STARD9: variants seen among roughly 807,000 people sequenced by gnomAD.
STARD9 encodes the protein StAR related lipid transfer domain containing 9, also known as stAR-related lipid transfer protein 9.
In STARD9, 346 loss-of-function variants were observed where a neutral mutation model predicts 399.8. The ratio of observed to expected loss-of-function variants is 0.87; its 90% CI spans 0.79 to 0.95. The LOEUF (loss-of-function observed/expected upper bound fraction) is 0.95, where lower values mean the gene tolerates loss of function less well. Among genes scored for constraint, STARD9 ranks in the 40% least tolerant of loss-of-function variants. STARD9 has a pLI of 0.00. For missense variants in STARD9, 5,832 were observed against 5,667.5 expected (o/e 1.03, Z -0.93); for synonymous variants, 2,203 against 2,143.5 (o/e 1.03, Z -0.77).
intron 9 of STARD9, among the ~76,000 whole-genome samples, chr15:42,660,177 A>G (rs2059966264): frequency 6.6e-6 from 1 of 152,210 alleles, no homozygotes; most frequent in Non-Finnish European, 1.5e-5. Context: ...GATTGCTTCA[A>G]GCTGGGGATG....
At chr15:42,581,986 A>G (rs1449547132) in intron 1 of STARD9, among the ~76,000 whole-genome samples, 2 of 152,178 alleles carry the variant, frequency 1.3e-5, no homozygotes, top group Non-Finnish European at 2.9e-5. Flanking sequence ...CAACAACAAA[A>G]AAATTAGCTG....
intron 26 of STARD9, among the ~76,000 whole-genome samples, chr15:42,713,709 A>C (rs906125519): frequency 1.2e-4 from 19 of 152,220 alleles, no homozygotes; most frequent in African/African-American, 4.3e-4. Flanking sequence ...TTGTATGTCG[A>C]GCCAGCCCTG....
intron 3 of STARD9, among the ~76,000 whole-genome samples, chr15:42,607,449 C>T (rs1273306561): frequency 2.0e-5 from 3 of 151,694 alleles, no homozygotes; most frequent in Non-Finnish European, 4.4e-5. Flanking sequence ...GTGATCTGCC[C>T]ACCTCACCCT....
chr15:42,691,609 C>T lies in STARD9; in HGVS notation c.10031C>T (p.Pro3344Leu). Reference sequence around the variant, plus strand: ...CAGGAGCTGAACTTGAGTGTGGAGCCTCCTTCCCCTACAGACGAAGATACA... The same window carrying T: ...CAGGAGCTGAACTTGAGTGTGGAGCTTCCTTCCCCTACAGACGAAGATACA... ...SLQELNLSVE[P>L]PSPTDEDTQG... The change falls in exon 23 of 33, where the codon CCT (proline) becomes CTT (leucine). Residue 3344 changes from proline to leucine, a missense_variant. This residue lies in a region of STARD9 where 5,828 missense variants were observed against 5,651.1 expected (regional missense o/e 1.03). Coordinates refer to ENST00000290607, the MANE Select transcript of STARD9 (RefSeq NM_020759.3). 6.5e-7 allele frequency: 1 copy of T among 1,537,268 alleles called. No individual in the cohort carries two copies. The highest frequency in any genetic ancestry group is 8.7e-7 in the Non-Finnish European group (1 of 1,146,912).
At chr15:42,634,008 CT>C (rs2059377979) in intron 3 of STARD9, among the ~76,000 whole-genome samples, 1 of 152,046 alleles carries the variant, frequency 6.6e-6, no homozygotes, top group Non-Finnish European at 1.5e-5. Flanking sequence ...GCCTGTTTGG[CT>C]TCTATAGTAG....
intron 26 of STARD9, among the ~76,000 whole-genome samples, chr15:42,710,981 T>A (rs1218921963): frequency 2.0e-5 from 3 of 151,684 alleles, no homozygotes; most frequent in Non-Finnish European, 4.4e-5. Context: ...TTTTTTTTTT[T>A]AATTTAACTT....
chr15:42,634,202 T>C (rs2059380434), intron 3 of STARD9, among the ~76,000 whole-genome samples: 1 of 152,194 alleles, frequency 6.6e-6, no homozygotes, highest in South Asian at 2.1e-4. Context: ...CCCATAAAGC[T>C]GGCTATTTTT....
chr15:42,626,641 C>T (rs917402036), intron 3 of STARD9, among the ~76,000 whole-genome samples: 1 of 151,728 alleles, frequency 6.6e-6, no homozygotes, highest in Non-Finnish European at 1.5e-5. Context: ...GCTGGGATTA[C>T]AGGCATGCGC....
In STARD9 at chr15:42,684,416, C is replaced by G; in HGVS notation, c.2838C>G (p.Ser946Arg). The change falls in exon 23 of 33, where the codon AGC becomes AGG. Residue 946 changes from serine to arginine, a missense_variant. By Grantham distance (110) the Ser-to-Arg change is moderately radical. Coordinates refer to ENST00000290607, the MANE Select transcript of STARD9 (RefSeq NM_020759.3). The part of the protein sequence containing the change: ...MGVKQPHQMV[S>R]QGLASLRKSA... ...TTAAGCAGCCCCATCAGATGGTGAG[C>G]CAGGGCTTAGCATCTCTGAGGAAAT... The G allele has an allele frequency of 6.5e-7, 1 of 1,537,144 alleles. No individual in the cohort carries two copies. The highest frequency in any genetic ancestry group is 1.2e-5 in the South Asian group (1 of 84,060).
At chr15:42,598,267 G>A (rs908842120) in intron 3 of STARD9, among the ~76,000 whole-genome samples, 3 of 145,580 alleles carry the variant, frequency 2.1e-5, no homozygotes, top group African/African-American at 7.6e-5. Context: ...TCCTGACCTC[G>A]TGATCTGCCT....
chr15:42,687,011 A>G lies in STARD9; in HGVS notation c.5433A>G (p.Ser1811=). 1 of 1,537,118 alleles carries G rather than the reference A, an allele frequency of 6.5e-7. No homozygotes were observed. Among genetic ancestry groups the G allele is most frequent in the Non-Finnish European group, 8.7e-7 (1 of 1,146,928 alleles). The change falls in exon 23 of 33, where the codon TCA becomes TCG. Residue 1811 remains serine, a synonymous_variant. Coordinates refer to ENST00000290607, the MANE Select transcript of STARD9 (RefSeq NM_020759.3). ...LLQNQNSKIA[S]SQQVTAEIPV... ...AAAACCAGAATTCTAAGATTGCCTCATCTCAGCAGGTCACAGCTGAGATAC... is the reference window on the plus strand; with the variant it reads ...AAAACCAGAATTCTAAGATTGCCTCGTCTCAGCAGGTCACAGCTGAGATAC...
chr15:42,618,862 G>A (rs556377829), intron 3 of STARD9, among the ~76,000 whole-genome samples: 1 of 152,020 alleles, frequency 6.6e-6, no homozygotes, highest in Non-Finnish European at 1.5e-5. Flanking sequence ...GTGAGCCATC[G>A]CGCCTGGCCA....
In STARD9 at chr15:42,687,999, C is replaced by T. The variant is rs1229606667; in HGVS notation, c.6421C>T (p.His2141Tyr). The T allele has an allele frequency of 1.3e-6, 2 of 1,537,360 alleles. No individual in the cohort carries two copies. Among genetic ancestry groups the T allele is most frequent in the Non-Finnish European group, 1.7e-6 (2 of 1,146,978 alleles). Residue 2141 changes from histidine (H) to tyrosine (Y), a missense_variant, in exon 23 of 33, where the codon CAT (histidine) becomes TAT (tyrosine). This residue lies in a region of STARD9 where 5,828 missense variants were observed against 5,651.1 expected (regional missense o/e 1.03). Transcript: ENST00000290607. Reference protein sequence around the residue: ...GAMEVNSIGNHPQVQKITPNP... With the variant: ...GAMEVNSIGNYPQVQKITPNP... ...GATGGAGGTTAACAGCATTGGGAAC[C>T]ATCCCCAGGTCCAGAAAATCACCCC...
rs1566948196 is a variant in STARD9 at position 42,692,435 on chromosome 15, G to A, written c.10857G>A (p.Met3619Ile). 1 of 1,537,002 alleles carries A rather than the reference G, an allele frequency of 6.5e-7. No individual in the cohort carries two copies. Among genetic ancestry groups the A allele is most frequent in the African/African-American group, 1.4e-5 (1 of 73,038 alleles). The part of the protein sequence containing the change: ...GSAAGPVDEI[M>I]LLYPSEAGCP... ...CTGCAGGTCCAGTGGATGAGATTAT[G>A]CTGCTGTATCCATCAGAGGCAGGCT... The change falls in exon 23 of 33, where the codon ATG (methionine) becomes ATA (isoleucine). Residue 3619 changes from methionine to isoleucine, a missense_variant. Physicochemically the swap from Met to Ile is conservative, Grantham distance 10. Around this residue, in one of 2 missense-constraint regions of STARD9, gnomAD observed 5,828 missense variants for 5,651.1 expected, o/e 1.03. Transcript: ENST00000290607.
intron 3 of STARD9, among the ~76,000 whole-genome samples, chr15:42,623,792 C>T (rs1416604990): frequency 2.0e-5 from 3 of 152,178 alleles, no homozygotes; most frequent in African/African-American, 7.2e-5. Flanking sequence ...AAATAAATCT[C>T]TGTATTTCAC....
At position 42,688,520 on chromosome 15, in the gene STARD9, C is replaced by T. The variant is rs2060614981; in HGVS notation, c.6942C>T (p.Ser2314=). The T allele has an allele frequency of 6.5e-7, 1 of 1,537,864 alleles. No individual in the cohort carries two copies. Among genetic ancestry groups the T allele is most frequent in the Non-Finnish European group, 8.7e-7 (1 of 1,147,030 alleles). Residue 2314 remains serine, a synonymous_variant, in exon 23 of 33, where the codon AGC becomes AGT. Transcript: ENST00000290607. ...RDTFFRQETV[S]PLLSRTEFCT... ...CGTTTTTCAGGCAGGAAACTGTCAG[C>T]CCATTACTAAGCCGGACAGAATTCT...
At chr15:42,668,267 C>T (rs1187369226) in intron 15 of STARD9, among the ~76,000 whole-genome samples, 2 of 152,120 alleles carry the variant, frequency 1.3e-5, no homozygotes, top group Admixed American at 1.3e-4. Flanking sequence ...AACTTCAACT[C>T]AATGATTATT....
At position 42,693,244 on chromosome 15, in the gene STARD9, C is replaced by A. The variant is rs2060757583; in HGVS notation, c.11666C>A (p.Thr3889Lys). 1.3e-6 allele frequency: 2 copies of A among 1,536,914 alleles called. No individual in the cohort carries two copies. Among genetic ancestry groups the A allele is most frequent in the African/African-American group, 2.7e-5 (2 of 73,024 alleles). ...DSRVQKKLGPTSALFVDRASS... is the reference protein window; with the variant it reads ...DSRVQKKLGPKSALFVDRASS... The stretch of plus-strand genomic sequence containing the variant: ...AGGGTCCAGAAGAAGCTGGGCCCCA[C>A]AAGTGCTTTGTTCGTGGACAGGGCC... The change falls in exon 23 of 33, where the codon ACA becomes AAA. Residue 3889 changes from threonine to lysine, a missense_variant. Transcript: ENST00000290607.
chr15:42,626,550 G>T (rs1216773743), intron 3 of STARD9, among the ~76,000 whole-genome samples: 1 of 151,214 alleles, frequency 6.6e-6, no homozygotes, highest in East Asian at 1.9e-4. Flanking sequence ...GCCCAGGCTG[G>T]AGCGCAGTGG....
Sources: gnomAD v4.1 joint callset for allele counts (sites outside exome capture counted in the v4.1 genomes callset) on GRCh38, gnomAD v4.1.1 for gene constraint, gnomAD v4.1.1 regional missense constraint, MANE v1.5 for transcripts, NCBI Gene and HGNC (gene_info 2026-07-23, HGNC 2026-07-21) for gene names.